The following MPZL1 variants were observed in gnomAD, a reference collection of about 807,000 sequenced individuals.
The protein encoded by MPZL1 is myelin protein zero-like protein 1.
MPZL1 carries 16 observed loss-of-function variants against 29.3 expected under a neutral mutation model. That is an observed-to-expected ratio of 0.55 (90% CI 0.37 to 0.83). The LOEUF (loss-of-function observed/expected upper bound fraction) is 0.83, where lower values mean the gene tolerates loss of function less well. Ranked by LOEUF, MPZL1 falls within the 40% of genes least tolerant of loss-of-function variation. The pLI is 0.00. For missense variants in MPZL1, 279 were observed against 332.9 expected (o/e 0.84, Z 1.26); for synonymous variants, 143 against 132.0 (o/e 1.08, Z -0.57).
At chr1:167,755,548 A>G (rs1333668207) in intron 1 of MPZL1, among the ~76,000 whole-genome samples, 1 of 152,218 alleles carries the variant, frequency 6.6e-6, no homozygotes, top group African/African-American at 2.4e-5. Flanking sequence ...GTACTCTAGC[A>G]GAAGTAAAAT....
At chr1:167,760,311 T>G (rs1002521104) in intron 1 of MPZL1, among the ~76,000 whole-genome samples, 1 of 152,198 alleles carries the variant, frequency 6.6e-6, no homozygotes, top group South Asian at 2.1e-4. Context: ...CACGCCATTC[T>G]CCTGCCTCAG....
At chr1:167,748,968 G>C (rs1285777164) in intron 1 of MPZL1, among the ~76,000 whole-genome samples, 1 of 152,012 alleles carries the variant, frequency 6.6e-6, no homozygotes, top group Non-Finnish European at 1.5e-5. Context: ...CAAACATTTG[G>C]GTTTGGAAAT....
At chr1:167,764,218 A>T (rs1403358339) in intron 1 of MPZL1, among the ~76,000 whole-genome samples, 2 of 152,226 alleles carry the variant, frequency 1.3e-5, no homozygotes, top group Non-Finnish European at 2.9e-5. Flanking sequence ...TTGTCTGTGA[A>T]AGCATTTCTT....
intron 1 of MPZL1, among the ~76,000 whole-genome samples, chr1:167,760,773 G>GTGTT (rs1449203834): frequency 2.7e-4 from 38 of 138,224 alleles, no homozygotes; most frequent in East Asian, 1.7e-3. Context: ...GTGTGTGTGT[G>GTGTT]TGTGTGTGTG....
At chr1:167,739,284 TATATATATATATATATATATATATACAC>T (rs1439195885) in intron 1 of MPZL1, among the ~76,000 whole-genome samples, 2,782 of 73,994 alleles carry the variant, frequency 0.038, 277 homozygotes, top group African/African-American at 0.14. Flanking sequence ...CATATATACA[TATATATATATATATATATATATATACAC>T]ATATATATAT....
intron 1 of MPZL1, among the ~76,000 whole-genome samples, chr1:167,733,307 TTA>T (rs1660306702): frequency 6.6e-6 from 1 of 152,200 alleles, no homozygotes; most frequent in African/African-American, 2.4e-5. Flanking sequence ...CATGATCCAA[TTA>T]TTCCCACTGC....
At chr1:167,729,426 T>C (rs1021768898) in intron 1 of MPZL1, among the ~76,000 whole-genome samples, 5 of 152,236 alleles carry the variant, frequency 3.3e-5, no homozygotes, top group African/African-American at 1.2e-4. Context: ...TGAAAAGTTA[T>C]AAGGTGTTAT....
chr1:167,778,605 T>C (rs1170943936), intron 5 of MPZL1, among the ~76,000 whole-genome samples: 1 of 151,248 alleles, frequency 6.6e-6, no homozygotes, highest in Admixed American at 6.6e-5. Context: ...TTAATTACAA[T>C]AAAAAATCAG....
chr1:167,772,460 A>T lies in MPZL1; in HGVS notation c.444A>T (p.Gly148=), dbSNP rs757720420. 2 of 1,614,086 alleles carry T rather than the reference A, an allele frequency of 1.2e-6. No homozygotes were observed. The highest frequency in any genetic ancestry group is 1.7e-6 in the Non-Finnish European group (2 of 1,179,928). ...KNPPDIVVQP[G]HIRLYVVEKE... is the part of the protein sequence containing the mutation. Reference sequence around the variant, plus strand: ...CTCCTGACATCGTTGTCCAGCCTGGACACATTAGGCTCTATGTCGTAGAAA... The same window carrying T: ...CTCCTGACATCGTTGTCCAGCCTGGTCACATTAGGCTCTATGTCGTAGAAA... The change falls in exon 3 of 6, where the codon GGA becomes GGT. Residue 148 remains glycine, a synonymous_variant. Coordinates refer to ENST00000359523, the MANE Select transcript of MPZL1 (RefSeq NM_003953.6).
rs74460827 is a variant in MPZL1 at position 167,735,166 on chromosome 1, A to G, written c.91+12924A>G. 3.7e-3 allele frequency among the ~76,000 whole-genome samples: 568 copies of G among 152,330 alleles called. 8 individuals are homozygous for G. The highest frequency in any genetic ancestry group is 0.013 in the African/African-American group (547 of 41,584). The stretch of plus-strand genomic sequence containing the variant: ...TTCTTTTCTCACTTTGTCCATTGTC[A>G]TTAGGAGTAACCAACAAATCTCATT... On this transcript the variant is annotated intron_variant, in intron 1 of 5. Transcript: ENST00000359523.
At chr1:167,729,721 T>C (rs746283878) in intron 1 of MPZL1, among the ~76,000 whole-genome samples, 3 of 152,212 alleles carry the variant, frequency 2.0e-5, no homozygotes, top group Non-Finnish European at 2.9e-5. Flanking sequence ...TTCTTAGCCC[T>C]TAGAAGTTAG....
intron 1 of MPZL1, among the ~76,000 whole-genome samples, chr1:167,756,496 T>C (rs2101772882): frequency 6.6e-6 from 1 of 150,466 alleles, no homozygotes; most frequent in Middle Eastern, 3.5e-3. Context: ...TTTGGGGTGA[T>C]TCTCTCACAC....
intron 2 of MPZL1, among the ~76,000 whole-genome samples, chr1:167,771,283 CAT>C (rs1395601518): frequency 1.3e-5 from 2 of 152,166 alleles, no homozygotes; most frequent in Non-Finnish European, 2.9e-5. Flanking sequence ...TGACACAGCA[CAT>C]GTTTCAGAGA....
At chr1:167,760,851 T>C (rs1380510371) in intron 1 of MPZL1, among the ~76,000 whole-genome samples, 2 of 150,922 alleles carry the variant, frequency 1.3e-5, no homozygotes, top group African/African-American at 2.4e-5. Flanking sequence ...GAATGTTAAA[T>C]AGATACGCAG....
chr1:167,742,791 A>T (rs1660559678), intron 1 of MPZL1, among the ~76,000 whole-genome samples: 1 of 152,130 alleles, frequency 6.6e-6, no homozygotes, highest in African/African-American at 2.4e-5. Flanking sequence ...TCCTTGATCT[A>T]TCTTGAGTTG....
intron 1 of MPZL1, among the ~76,000 whole-genome samples, chr1:167,736,479 T>C (rs1178846944): frequency 6.6e-6 from 1 of 152,124 alleles, no homozygotes; most frequent in African/African-American, 2.4e-5. Flanking sequence ...CTCAACTCTA[T>C]ATATCTCTCC....
At chr1:167,758,154 C>CA (rs773312752) in intron 1 of MPZL1, among the ~76,000 whole-genome samples, 1,522 of 103,234 alleles carry the variant, frequency 0.015, 23 homozygotes, top group East Asian at 0.099. Context: ...ATTCTTGTCT[C>CA]AAAAAAAAAA....
chr1:167,739,447 G>A (rs1296586856), intron 1 of MPZL1, among the ~76,000 whole-genome samples: 3 of 151,564 alleles, frequency 2.0e-5, no homozygotes, highest in South Asian at 2.1e-4. Flanking sequence ...TGTGCAGAGT[G>A]TTACCATGCT....
intron 5 of MPZL1, among the ~76,000 whole-genome samples, chr1:167,780,896 A>C (rs1472832155): frequency 6.6e-6 from 1 of 152,190 alleles, no homozygotes; most frequent in African/African-American, 2.4e-5. Flanking sequence ...ATTTTACCAC[A>C]TTTTTTAAAC....
Sources: gnomAD v4.1 joint callset for allele counts (sites outside exome capture counted in the v4.1 genomes callset) on GRCh38, gnomAD v4.1.1 for gene constraint, MANE v1.5 for transcripts, NCBI Gene and HGNC (gene_info 2026-07-23, HGNC 2026-07-21) for gene names.